RANBP17: variants seen among roughly 807,000 people sequenced by gnomAD.
RANBP17 encodes ran-binding protein 17.
Under a neutral mutation model 141.2 loss-of-function variants are expected in RANBP17, and 158 were observed. The observed-to-expected ratio is 1.12, with a 90% CI of 0.98 to 1.28. The LOEUF (loss-of-function observed/expected upper bound fraction) is 1.28. RANBP17 is among the 50% of genes most tolerant of loss of function. RANBP17 has a pLI of 0.00. For missense variants in RANBP17, 1,438 were observed against 1,290.7 expected, an observed-to-expected ratio of 1.11 and a Z score of -1.75; for synonymous variants, 430 against 450.0, an observed-to-expected ratio of 0.96 and a Z score of 0.56.
At chr5:171,149,026 C>G (rs1200920847) in intron 14 of RANBP17, among the ~76,000 whole-genome samples, 1 of 152,168 alleles carries the variant, frequency 6.6e-6, no homozygotes, top group Non-Finnish European at 1.5e-5. Context: ...AATAGTCAAC[C>G]AAGAGGCTGA....
intron 14 of RANBP17, among the ~76,000 whole-genome samples, chr5:171,014,449 A>G (rs979240286): frequency 1.3e-5 from 2 of 151,980 alleles, no homozygotes; most frequent in African/African-American, 4.8e-5. Context: ...CTTACTAGCT[A>G]TAACTATTTT....
At chr5:171,111,435 A>G (rs1235876495) in intron 14 of RANBP17, among the ~76,000 whole-genome samples, 1 of 151,956 alleles carries the variant, frequency 6.6e-6, no homozygotes, top group Non-Finnish European at 1.5e-5. Flanking sequence ...CACAATTCAG[A>G]CCTTTATTTC....
chr5:170,953,754 T>A (rs551495995), intron 13 of RANBP17, 52 bp downstream of exon 13: 29 of 1,203,800 alleles, frequency 2.4e-5, no homozygotes, highest in East Asian at 2.4e-4. Flanking sequence ...TTAAAAAAAA[T>A]TAGTTATTGA....
chr5:170,939,789 CAGAG>C (rs533574004), intron 12 of RANBP17, among the ~76,000 whole-genome samples: 128 of 152,192 alleles, frequency 8.4e-4, no homozygotes, highest in Non-Finnish European at 1.4e-3. Context: ...AGAAGCATGT[CAGAG>C]AGAGAGTCGG....
chr5:170,925,502 T>A (rs1000334736), intron 12 of RANBP17, among the ~76,000 whole-genome samples: 3 of 152,232 alleles, frequency 2.0e-5, no homozygotes, highest in Admixed American at 6.5e-5. Flanking sequence ...TTGAAAGTTA[T>A]TAAATATCAA....
Position 170,953,679 on chromosome 5 carries a change from T to G in RANBP17, c.1551T>G (p.Ala517=). ...ATACCAGTACAGATGAGCATGATGCTATGGATGGAGAATTATCCTGTCGGT... is the reference window on the plus strand; with the variant it reads ...ATACCAGTACAGATGAGCATGATGCGATGGATGGAGAATTATCCTGTCGGT... The part of the protein sequence containing the change: ...LTYTSTDEHD[A]MDGELSCRVF... The change falls in exon 13 of 28, where the codon GCT becomes GCG. Residue 517 remains alanine (A), a synonymous_variant. Transcript: ENST00000523189. 1 of 1,606,010 alleles carries G rather than the reference T, an allele frequency of 6.2e-7. No homozygotes were observed. Among genetic ancestry groups the G allele is most frequent in the Non-Finnish European group, 8.5e-7 (1 of 1,173,142 alleles).
At chr5:170,963,057 A>AT (rs1263446003) in intron 13 of RANBP17, among the ~76,000 whole-genome samples, 1 of 152,204 alleles carries the variant, frequency 6.6e-6, no homozygotes, top group Non-Finnish European at 1.5e-5. Flanking sequence ...AATTTTATGC[A>AT]ACCATTAAAA....
chr5:171,015,805 A>G (rs1780387579), intron 14 of RANBP17, among the ~76,000 whole-genome samples: 1 of 152,144 alleles, frequency 6.6e-6, no homozygotes. Flanking sequence ...TGCTGAAACA[A>G]AATCTTTCTT....
chr5:171,070,512 TTGCTA>T (rs1784573373), intron 14 of RANBP17, among the ~76,000 whole-genome samples: 1 of 152,172 alleles, frequency 6.6e-6, no homozygotes, highest in African/African-American at 2.4e-5. Context: ...TAAAATGTGT[TTGCTA>T]TGCCCTGTCC....
chr5:170,944,543 C>T (rs1774599136), intron 12 of RANBP17, among the ~76,000 whole-genome samples: 1 of 152,226 alleles, frequency 6.6e-6, no homozygotes, highest in Admixed American at 6.5e-5. Flanking sequence ...GCTGGTATTA[C>T]AGGCGTGAGC....
chr5:170,936,524 A>G (rs1408008734), intron 12 of RANBP17, among the ~76,000 whole-genome samples: 1 of 152,072 alleles, frequency 6.6e-6, no homozygotes, highest in African/African-American at 2.4e-5. Flanking sequence ...TTTAAGTTAC[A>G]AATATTTAGA....
intron 14 of RANBP17, among the ~76,000 whole-genome samples, chr5:171,143,810 C>T (rs749125962): frequency 8.5e-5 from 13 of 152,048 alleles, no homozygotes; most frequent in Non-Finnish European, 1.5e-4. Context: ...TATATTTGAA[C>T]GAGGTCTTAA....
chr5:170,992,738 G>A (rs1447127953), intron 14 of RANBP17, among the ~76,000 whole-genome samples: 2 of 152,052 alleles, frequency 1.3e-5, no homozygotes, highest in East Asian at 3.8e-4. Context: ...TGTCAGAGAG[G>A]AAGAAAGGAG....
At chr5:171,206,177 T>C (rs1019266802) in intron 20 of RANBP17, 1 of 174,232 alleles carries the variant, frequency 5.7e-6, no homozygotes, top group Non-Finnish European at 1.2e-5. Flanking sequence ...AAATGCCTTA[T>C]CATGTAAGAG....
chr5:170,886,191 A>T (rs533440911), intron 3 of RANBP17, among the ~76,000 whole-genome samples: 23 of 152,302 alleles, frequency 1.5e-4, no homozygotes, highest in African/African-American at 5.5e-4. Context: ...TTAGGGGCAC[A>T]TAGACCACTT....
chr5:171,294,914 T>C (rs1359102040), intron 26 of RANBP17, among the ~76,000 whole-genome samples: 1 of 152,232 alleles, frequency 6.6e-6, no homozygotes, highest in African/African-American at 2.4e-5. Context: ...GAAAAACTAA[T>C]AATTTTCTAT....
intron 25 of RANBP17, among the ~76,000 whole-genome samples, chr5:171,266,509 G>A (rs1309235417): frequency 2.6e-5 from 4 of 152,114 alleles, no homozygotes; most frequent in Non-Finnish European, 4.4e-5. Context: ...AATGAATATT[G>A]CAAGGTGCAG....
intron 11 of RANBP17, among the ~76,000 whole-genome samples, chr5:170,923,127 T>C (rs1346416963): frequency 6.6e-6 from 1 of 152,230 alleles, no homozygotes; most frequent in African/African-American, 2.4e-5. Context: ...CTAGGAGTTT[T>C]ATTGTCTTAG....
At chr5:171,095,890 G>A (rs993021957) in intron 14 of RANBP17, among the ~76,000 whole-genome samples, 3 of 152,098 alleles carry the variant, frequency 2.0e-5, no homozygotes, top group Non-Finnish European at 4.4e-5. Flanking sequence ...TTTTAGTGTT[G>A]TATGTATTTG....
Sources: allele counts gnomAD v4.1 joint callset (sites outside exome capture counted in the v4.1 genomes callset), GRCh38; gene constraint gnomAD v4.1.1; transcripts MANE v1.5; gene names NCBI Gene and HGNC (gene_info 2026-07-23, HGNC 2026-07-21).